The following STAT4 variants were observed in gnomAD, a reference collection of about 807,000 sequenced individuals.
The protein encoded by STAT4 is signal transducer and activator of transcription 4.
In STAT4, 42 loss-of-function variants were observed where a neutral mutation model predicts 110.5. The ratio of observed to expected loss-of-function variants is 0.38; its 90% CI spans 0.30 to 0.49. The LOEUF is 0.49. Among genes scored for constraint, STAT4 ranks in the 20% least tolerant of loss-of-function variants. The pLI is 0.95. For synonymous variants in STAT4, 284 were observed against 302.2 expected (o/e 0.94, Z 0.63); for missense variants, 632 against 887.9 (o/e 0.71, Z 3.66).
In STAT4 at chr2:191,042,188, T is replaced by C. The variant is rs1054911492; in HGVS notation, c.1252-1040A>G. Among the ~76,000 whole-genome samples, 3 of 152,158 alleles carry C rather than the reference T, an allele frequency of 2.0e-5. No individual in the cohort carries two copies. The highest frequency in any genetic ancestry group is 7.2e-5 in the African/African-American group (3 of 41,436). On this transcript the variant is annotated intron_variant, in intron 14 of 23. Transcript: ENST00000392320. The surrounding 1 kb of genome is among the most constrained non-coding windows in gnomAD (Gnocchi z 4.2). Reference sequence around the variant, plus strand: ...AAGTCTACAGTTCTCAACACGCACATAGAATTTTCAGGCTGTTTTTTAATG... The same window carrying C: ...AAGTCTACAGTTCTCAACACGCACACAGAATTTTCAGGCTGTTTTTTAATG...
chr2:191,074,970 G>A (rs1032904613), intron 4 of STAT4, among the ~76,000 whole-genome samples: 2 of 152,088 alleles, frequency 1.3e-5, no homozygotes, highest in Non-Finnish European at 2.9e-5. Flanking sequence ...AGACCAACCT[G>A]GGCAATGTAG....
At chr2:191,048,330 C>T (rs973435336) in intron 14 of STAT4, among the ~76,000 whole-genome samples, 15 of 152,152 alleles carry the variant, frequency 9.9e-5, no homozygotes, top group South Asian at 2.1e-4. Flanking sequence ...GGAGGAAAGA[C>T]GCTCTGACCA....
intron 3 of STAT4, among the ~76,000 whole-genome samples, chr2:191,111,665 C>A (rs185378854): frequency 2.0e-4 from 31 of 152,114 alleles, no homozygotes; most frequent in African/African-American, 6.7e-4. Context: ...CCAGCCTGGG[C>A]AACATAGTAA....
At position 191,146,783 on chromosome 2, in the gene STAT4, A is replaced by T; in HGVS notation, c.129-26T>A. 6.7e-7 allele frequency: 1 copy of T among 1,483,044 alleles called. No individual in the cohort carries two copies. The highest frequency in any genetic ancestry group is 9.0e-7 in the Non-Finnish European group (1 of 1,115,248). The allele number at this position is 1,483,044 out of a possible 1,614,324, so 91.9% of individuals were successfully genotyped here. A position where few individuals can be genotyped will look rare whatever the true frequency, so the allele number is the denominator to read the frequency against. On this transcript the variant is annotated intron_variant, in intron 2 of 23. Transcript: ENST00000392320. This position sits in a 1 kb window ranked among gnomAD's most constrained non-coding sequence, Gnocchi z 4.5. ...CTAAAAAAAAAAAGGATTATTACAC[A>T]ACAGAAAACAACTTTGTAAAATGTC...
Position 191,132,677 on chromosome 2 carries a change from T to C in STAT4, c.273+13936A>G, listed in dbSNP as rs970289058. On this transcript the variant is annotated intron_variant, in intron 3 of 23. Transcript: ENST00000392320. ...AAGAACGTTAATTTCTCCTCATATT[T>C]AATAGCATGGAGTGAACAGACAACT... 2.6e-4 allele frequency among the ~76,000 whole-genome samples: 40 copies of C among 151,720 alleles called. 2 individuals are homozygous for C. The highest frequency in any genetic ancestry group is 9.0e-4 in the African/African-American group (37 of 41,040).
Position 191,033,187 on chromosome 2 carries a change from G to T in STAT4, c.1853-38C>A. On this transcript the variant is annotated intron_variant, in intron 20 of 23. Coordinates refer to ENST00000392320, the MANE Select transcript of STAT4 (RefSeq NM_003151.4). The surrounding 1 kb of genome is among the most constrained non-coding windows in gnomAD (Gnocchi z 6.9). ...AAATTGGAGAAATATACAGGTTCCT[G>T]TACACATTCCTTGTGACCATTTCTT... 1 of 1,589,506 alleles carries T rather than the reference G, an allele frequency of 6.3e-7. No homozygotes were observed. The highest frequency in any genetic ancestry group is 8.6e-7 in the Non-Finnish European group (1 of 1,165,596).
At position 191,099,798 on chromosome 2, in the gene STAT4, TA is replaced by T. The variant is rs1336109254; in HGVS notation, c.274-23474del. Reference sequence around the variant, plus strand: ...GGAGGTAAGGAAAAAAGAAGTGGGATAAAAAGAAGTTTGTAATTAAAAAGCT... The same window carrying T: ...GGAGGTAAGGAAAAAAGAAGTGGGATAAAAGAAGTTTGTAATTAAAAAGCT... On this transcript the variant is annotated intron_variant, in intron 3 of 23. Coordinates refer to ENST00000392320, the MANE Select transcript of STAT4 (RefSeq NM_003151.4). The surrounding 1 kb of genome is among the most constrained non-coding windows in gnomAD (Gnocchi z 4.1). 6.6e-6 allele frequency among the ~76,000 whole-genome samples: 1 copy of T among 151,542 alleles called. No individual in the cohort carries two copies. Among genetic ancestry groups the T allele is most frequent in the Non-Finnish European group, 1.5e-5 (1 of 67,840 alleles).
intron 3 of STAT4, among the ~76,000 whole-genome samples, chr2:191,125,476 T>TTTATTGTTATTATTATTATTATTA (rs1698853415): frequency 7.2e-6 from 1 of 138,002 alleles, no homozygotes; most frequent in South Asian, 2.5e-4. Context: ...ATCCTCATTA[T>TTTATTGTTATTATTATTATTATTA]TTATTATTAT....
rs1253362321 is a variant in STAT4, at chr2:191,107,273, T to C, written c.274-30948A>G. Among the ~76,000 whole-genome samples the C allele has an allele frequency of 6.6e-6, 1 of 152,198 alleles. No individual in the cohort carries two copies. The highest frequency in any genetic ancestry group is 1.5e-5 in the Non-Finnish European group (1 of 68,032). ...ACCTCAATATGTACTTGAAGCATGT[T>C]TACTGACTGAAATCCAGAGTCCATC... On this transcript the variant is annotated intron_variant, in intron 3 of 23. Coordinates refer to ENST00000392320, the MANE Select transcript of STAT4 (RefSeq NM_003151.4). The surrounding 1 kb of genome is among the most constrained non-coding windows in gnomAD (Gnocchi z 4.2).
chr2:191,062,728 G>A lies in STAT4; in HGVS notation c.941+34C>T. 1.9e-6 allele frequency: 3 copies of A among 1,611,532 alleles called. No individual in the cohort carries two copies. Among genetic ancestry groups the A allele is most frequent in the Non-Finnish European group, 2.5e-6 (3 of 1,178,542 alleles). On this transcript the variant is annotated intron_variant, in intron 9 of 23. Transcript: ENST00000392320. This position sits in a 1 kb window ranked among gnomAD's most constrained non-coding sequence, Gnocchi z 4.9. ...TTAGGAAGGGTGTTCTTACTTCACA[G>A]AATGGAGGATGCCATTGATAGCACT...
At chr2:191,149,129 GGTT>G (rs2125465846) in intron 1 of STAT4, among the ~76,000 whole-genome samples, 1 of 152,136 alleles carries the variant, frequency 6.6e-6, no homozygotes, top group Admixed American at 6.5e-5. Flanking sequence ...TCAAATTTTT[GGTT>G]GTTTTCTCAG....
At chr2:191,065,563 T>A (rs1005004756) in intron 7 of STAT4, among the ~76,000 whole-genome samples, 1 of 152,178 alleles carries the variant, frequency 6.6e-6, no homozygotes, top group Non-Finnish European at 1.5e-5. Context: ...ATTGTCAAAG[T>A]TCCTTCTCTT....
In STAT4 at chr2:191,144,541, G is replaced by C. The variant is rs778904467; in HGVS notation, c.273+2072C>G. Among the ~76,000 whole-genome samples, 1 of 152,048 alleles carries C rather than the reference G, an allele frequency of 6.6e-6. No homozygotes were observed. The highest frequency in any genetic ancestry group is 1.5e-5 in the Non-Finnish European group (1 of 68,010). On this transcript the variant is annotated intron_variant, in intron 3 of 23. Coordinates refer to ENST00000392320, the MANE Select transcript of STAT4 (RefSeq NM_003151.4). This position sits in a 1 kb window ranked among gnomAD's most constrained non-coding sequence, Gnocchi z 4.7. ...GGTCTAAAGAGGAAAGATGCTAGAG[G>C]GCCAATTAACACATGCAGATGAGTT...
intron 3 of STAT4, among the ~76,000 whole-genome samples, chr2:191,080,325 A>G (rs1697426466): frequency 6.6e-6 from 1 of 152,140 alleles, no homozygotes; most frequent in Non-Finnish European, 1.5e-5. Flanking sequence ...TGTGTAATAA[A>G]TTGGCTAATG....
At chr2:191,137,842 A>G (rs1699220627) in intron 3 of STAT4, among the ~76,000 whole-genome samples, 1 of 152,184 alleles carries the variant, frequency 6.6e-6, no homozygotes, top group Admixed American at 6.5e-5. Context: ...ATCTCTCACC[A>G]TATATAAAAA....
At chr2:191,070,867 C>T (rs537349316) in intron 5 of STAT4, among the ~76,000 whole-genome samples, 23 of 151,674 alleles carry the variant, frequency 1.5e-4, no homozygotes, top group African/African-American at 5.1e-4. Flanking sequence ...GGGGGTGGGA[C>T]GAAGAAGGAT....
Position 191,054,573 on chromosome 2 carries a change from A to G in STAT4, c.1207-39T>C. Reference sequence around the variant, plus strand: ...AACAACAATATTTAGATGGAAAAGCATTATCAGCTACATATTAAGTTGGTC... The same window carrying G: ...AACAACAATATTTAGATGGAAAAGCGTTATCAGCTACATATTAAGTTGGTC... On this transcript the variant is annotated intron_variant, in intron 13 of 23. Coordinates refer to ENST00000392320, the MANE Select transcript of STAT4 (RefSeq NM_003151.4). 1.9e-6 allele frequency: 3 copies of G among 1,583,470 alleles called. No individual in the cohort carries two copies. The South Asian group carries it at 3.4e-5, about 18-fold the overall frequency.
In STAT4 at chr2:191,033,387, A is replaced by C. The variant is rs1574692328; in HGVS notation, c.1852+103T>G. ...ACTAATATTCAAGCCCACTGAATAC[A>C]TCACAGACAGATCAACACACCATAC... On this transcript the variant is annotated intron_variant, in intron 20 of 23. Transcript: ENST00000392320. The surrounding 1 kb of genome is among the most constrained non-coding windows in gnomAD (Gnocchi z 6.9). 1 of 1,378,426 alleles carries C rather than the reference A, an allele frequency of 7.3e-7. No homozygotes were observed. The highest frequency in any genetic ancestry group is 2.4e-5 in the East Asian group (1 of 40,882). The allele number at this position is 1,378,426 out of a possible 1,614,324, so 85.4% of individuals were successfully genotyped here. A position where few individuals can be genotyped will look rare whatever the true frequency, so the allele number is the denominator to read the frequency against.
rs1696067102 is a variant in STAT4, at chr2:191,037,142, T to A, written c.1435-843A>T. Among the ~76,000 whole-genome samples, 2 of 152,200 alleles carry A rather than the reference T, an allele frequency of 1.3e-5. No individual in the cohort carries two copies. Among genetic ancestry groups the A allele is most frequent in the South Asian group, 4.1e-4 (2 of 4,836 alleles). On this transcript the variant is annotated intron_variant, in intron 16 of 23. Coordinates refer to ENST00000392320, the MANE Select transcript of STAT4 (RefSeq NM_003151.4). The surrounding 1 kb of genome is among the most constrained non-coding windows in gnomAD (Gnocchi z 4.8). ...ATCCTAAACAAAACTTATATCATAT[T>A]ATTTAATTGGTTTATCGTGGGGTTG...
Sources: gnomAD v4.1 joint callset for allele counts (sites outside exome capture counted in the v4.1 genomes callset) on GRCh38, gnomAD v4.1.1 for gene constraint, Gnocchi (gnomAD v3.1) non-coding constraint, MANE v1.5 for transcripts, NCBI Gene and HGNC (gene_info 2026-07-23, HGNC 2026-07-21) for gene names.